CDH23: variants seen among roughly 807,000 people sequenced by gnomAD.
CDH23 encodes the protein cadherin-23.
In CDH23, 189 loss-of-function variants were observed where a neutral mutation model predicts 317.1. The observed-to-expected ratio is 0.60, with a 90% CI of 0.53 to 0.67. The LOEUF (loss-of-function observed/expected upper bound fraction) is 0.67. Ranked by LOEUF, CDH23 falls within the 30% of genes least tolerant of loss-of-function variation. The pLI, the probability that CDH23 is intolerant of heterozygous loss-of-function variation, is 0.00. For synonymous variants in CDH23, 1,839 were observed against 1,876.8 expected, an observed-to-expected ratio of 0.98 and a Z score of 0.52; for missense variants, 4,401 against 4,592.4, an observed-to-expected ratio of 0.96 and a Z score of 1.20.
At position 71,510,143 on chromosome 10, in the gene CDH23, G is replaced by A. The variant is rs1490884345; in HGVS notation, c.207G>A (p.Val69=). The A allele has an allele frequency of 6.2e-7, 1 of 1,614,044 alleles. No homozygotes were observed. The highest frequency in any genetic ancestry group is 8.5e-7 in the Non-Finnish European group (1 of 1,179,894). Residue 69 remains valine, a synonymous_variant, in exon 4 of 70, where the codon GTG becomes GTA. Coordinates refer to ENST00000224721, the MANE Select transcript of CDH23 (RefSeq NM_022124.6). ...ACAATGACCCCCTGGTGTTTGGCGT[G>A]TCTGGGGAGGAGGCCTCTCGCTTCT... The part of the protein sequence containing the change: ...DMDNDPLVFG[V]SGEEASRFFA...
intron 3 of CDH23, among the ~76,000 whole-genome samples, chr10:71,473,587 T>A (rs1851628954): frequency 6.6e-6 from 1 of 152,210 alleles, no homozygotes; most frequent in Non-Finnish European, 1.5e-5. Context: ...GGCAAGTTCC[T>A]CAACCTCTCT....
intron 6 of CDH23, among the ~76,000 whole-genome samples, chr10:71,531,006 T>C (rs1224169962): frequency 6.6e-6 from 1 of 152,250 alleles, no homozygotes; most frequent in African/African-American, 2.4e-5. Flanking sequence ...CTCTCGGCTC[T>C]GTGGCAAGTT....
chr10:71,651,323 AGT>A (rs1262442070), intron 14 of CDH23, among the ~76,000 whole-genome samples: 1 of 146,664 alleles, frequency 6.8e-6, no homozygotes, highest in Non-Finnish European at 1.5e-5. Flanking sequence ...TGCGCCTAGG[AGT>A]TCAAGATCAG....
intron 6 of CDH23, chr10:71,512,209 C>G (rs762809781): frequency 6.6e-6 from 1 of 152,188 alleles, no homozygotes; most frequent in Non-Finnish European, 1.5e-5. Flanking sequence ...CAGCCTCCCT[C>G]GAGGGTGACG....
At chr10:71,562,110 A>AACCCCAGACACTCCAAGCCCC (rs1255893433) in intron 6 of CDH23, among the ~76,000 whole-genome samples, 1 of 151,776 alleles carries the variant, frequency 6.6e-6, no homozygotes, top group Non-Finnish European at 1.5e-5. Context: ...GTGCAGCCCC[A>AACCCCAGACACTCCAAGCCCC]ACCCCAGACA....
chr10:71,668,666 A>G (rs1864012701), intron 14 of CDH23, among the ~76,000 whole-genome samples: 1 of 152,226 alleles, frequency 6.6e-6, no homozygotes, highest in Non-Finnish European at 1.5e-5. Context: ...ATTTGGTGGC[A>G]CATAGTTAAG....
At chr10:71,669,001 G>A (rs1625164) in intron 14 of CDH23, among the ~76,000 whole-genome samples, 107,652 of 152,170 alleles carry the variant, frequency 0.71, 38,790 homozygotes, top group East Asian at 0.9. Context: ...GAATCAGAAG[G>A]AACGCCTTAT....
At chr10:71,726,969 C>T (rs749831966) in intron 30 of CDH23, among the ~76,000 whole-genome samples, 7 of 152,214 alleles carry the variant, frequency 4.6e-5, no homozygotes, top group Non-Finnish European at 1.0e-4. Flanking sequence ...TAAAACAGAT[C>T]GAAGCCAGAC....
At chr10:71,436,936 G>A (rs1397990655) in intron 1 of CDH23, among the ~76,000 whole-genome samples, 2 of 152,196 alleles carry the variant, frequency 1.3e-5, no homozygotes, top group African/African-American at 2.4e-5. Flanking sequence ...CAGGGATAAC[G>A]CTAGTGCTGC....
intron 3 of CDH23, among the ~76,000 whole-genome samples, chr10:71,462,626 T>C (rs1244978533): frequency 2.0e-5 from 3 of 152,192 alleles, no homozygotes; most frequent in Non-Finnish European, 4.4e-5. Context: ...GAGCCTCAGC[T>C]CTCTTATCTG....
At chr10:71,481,810 C>T (rs969580635) in intron 3 of CDH23, among the ~76,000 whole-genome samples, 2 of 152,206 alleles carry the variant, frequency 1.3e-5, no homozygotes, top group African/African-American at 4.8e-5. Context: ...GACGTGGCTG[C>T]GTGTGGGGTC....
intron 1 of CDH23, among the ~76,000 whole-genome samples, chr10:71,431,354 A>C (rs1034201162): frequency 6.6e-6 from 1 of 152,140 alleles, no homozygotes; most frequent in African/African-American, 2.4e-5. Flanking sequence ...GGAGGGATCC[A>C]GGGGAGGGTG....
At chr10:71,651,439 G>A (rs950194370) in intron 14 of CDH23, among the ~76,000 whole-genome samples, 1 of 151,534 alleles carries the variant, frequency 6.6e-6, no homozygotes, top group Non-Finnish European at 1.5e-5. Flanking sequence ...AGGCTGAGGT[G>A]AGAATGTCAC....
At chr10:71,416,257 T>A (rs1448168178) in intron 1 of CDH23, among the ~76,000 whole-genome samples, 2 of 152,146 alleles carry the variant, frequency 1.3e-5, no homozygotes, top group Non-Finnish European at 2.9e-5. Flanking sequence ...ACTCCTGACC[T>A]CAAGTGATCC....
rs1564803661 is a variant in CDH23, at chr10:71,805,850, C to T, written c.7917C>T (p.Asp2639=). Residue 2639 remains aspartate (D), a synonymous_variant, in exon 56 of 70, where the codon GAC becomes GAT. Coordinates refer to ENST00000224721, the MANE Select transcript of CDH23 (RefSeq NM_022124.6). ...ACGTGTACGAGGTCTACGCCACGGA[C>T]AAGGATGAGGGCCTCAACGGGGCGG... ...RSNVYEVYAT[D]KDEGLNGAVR... 5.6e-6 allele frequency: 9 copies of T among 1,613,704 alleles called. No homozygotes were observed. The highest frequency in any genetic ancestry group is 1.1e-5 in the South Asian group (1 of 91,000).
chr10:71,486,682 G>A (rs1377892195), intron 3 of CDH23, among the ~76,000 whole-genome samples: 1 of 152,184 alleles, frequency 6.6e-6, no homozygotes, highest in Non-Finnish European at 1.5e-5. Flanking sequence ...TCAGTAGGGG[G>A]CGCAGCTGGA....
intron 38 of CDH23, chr10:71,761,815 G>A (rs753402164): frequency 1.2e-6 from 2 of 1,614,158 alleles, no homozygotes; most frequent in Non-Finnish European, 1.7e-6. Context: ...CATGGTGCAG[G>A]TGAAGGTCCT....
chr10:71,486,181 G>A (rs948232275), intron 3 of CDH23, among the ~76,000 whole-genome samples: 1 of 152,172 alleles, frequency 6.6e-6, no homozygotes, highest in Non-Finnish European at 1.5e-5. Flanking sequence ...TTTCATCTTT[G>A]GGGTCTGCCT....
At chr10:71,516,478 ACCT>A (rs1213675030) in intron 6 of CDH23, among the ~76,000 whole-genome samples, 1 of 152,184 alleles carries the variant, frequency 6.6e-6, no homozygotes, top group Non-Finnish European at 1.5e-5. Context: ...CATTCCCTGT[ACCT>A]CCTTACTAGA....
Sources: gnomAD v4.1 joint callset for allele counts (sites outside exome capture counted in the v4.1 genomes callset) on GRCh38, gnomAD v4.1.1 for gene constraint, MANE v1.5 for transcripts, NCBI Gene and HGNC (gene_info 2026-07-23, HGNC 2026-07-21) for gene names.